The following SMYD3 variants were observed in gnomAD, a reference collection of about 807,000 sequenced individuals.
The protein encoded by SMYD3 is SET and MYND domain containing 3.
A neutral mutation model predicts 57.7 loss-of-function variants in SMYD3; 36 were observed. That is an observed-to-expected ratio of 0.62 (90% CI 0.48 to 0.82). The LOEUF (loss-of-function observed/expected upper bound fraction) is 0.82. Ranked by LOEUF, SMYD3 falls within the 40% of genes least tolerant of loss-of-function variation. The probability of loss-of-function intolerance (pLI) is 0.00; values close to 1 mark genes in which losing one functional copy is unlikely to be tolerated. For missense variants in SMYD3, 515 were observed against 538.8 expected, an observed-to-expected ratio of 0.96 and a Z score of 0.44; for synonymous variants, 211 against 195.0, an observed-to-expected ratio of 1.08 and a Z score of -0.68.
At chr1:246,180,995 G>T (rs1484738795) in intron 5 of SMYD3, among the ~76,000 whole-genome samples, 3 of 151,952 alleles carry the variant, frequency 2.0e-5, no homozygotes, top group African/African-American at 7.3e-5. Flanking sequence ...CATCATAGGG[G>T]TTCTATTTGT....
At chr1:246,135,515 C>G (rs1329342023) in intron 5 of SMYD3, among the ~76,000 whole-genome samples, 2 of 151,978 alleles carry the variant, frequency 1.3e-5, no homozygotes, top group African/African-American at 2.4e-5. Context: ...TAAGTCCATG[C>G]TGGCAAATAT....
At chr1:245,827,385 G>C (rs949815475) in intron 10 of SMYD3, among the ~76,000 whole-genome samples, 1 of 152,140 alleles carries the variant, frequency 6.6e-6, no homozygotes, top group Non-Finnish European at 1.5e-5. Flanking sequence ...TACAGAGCTG[G>C]GGTGATGCCT....
intron 1 of SMYD3, among the ~76,000 whole-genome samples, chr1:246,404,334 C>G (rs2102973748): frequency 6.6e-6 from 1 of 152,278 alleles, no homozygotes; most frequent in South Asian, 2.1e-4. Flanking sequence ...GAAACATATG[C>G]CGCAATAATT....
chr1:245,868,418 G>A (rs2051996582), intron 8 of SMYD3, among the ~76,000 whole-genome samples: 1 of 152,018 alleles, frequency 6.6e-6, no homozygotes, highest in Non-Finnish European at 1.5e-5. Flanking sequence ...GCTCTATCTA[G>A]TACTAGCAAT....
At chr1:246,201,802 C>T (rs1236487219) in intron 5 of SMYD3, among the ~76,000 whole-genome samples, 1 of 151,274 alleles carries the variant, frequency 6.6e-6, no homozygotes, top group Non-Finnish European at 1.5e-5. Context: ...CACTTGAAGT[C>T]AGGAGTTTGA....
intron 10 of SMYD3, among the ~76,000 whole-genome samples, chr1:245,818,170 G>A (rs2048959211): frequency 6.6e-6 from 1 of 152,122 alleles, no homozygotes; most frequent in Non-Finnish European, 1.5e-5. Flanking sequence ...ACCCTCAAAG[G>A]GAAGCCCATC....
chr1:246,432,981 G>A (rs934555902), intron 1 of SMYD3, among the ~76,000 whole-genome samples: 1 of 152,108 alleles, frequency 6.6e-6, no homozygotes, highest in Non-Finnish European at 1.5e-5. Context: ...AGAGCAATCA[G>A]GCAAGAGGAA....
intron 5 of SMYD3, among the ~76,000 whole-genome samples, chr1:246,022,885 C>A (rs1056789875): frequency 6.6e-6 from 1 of 152,184 alleles, no homozygotes; most frequent in African/African-American, 2.4e-5. Context: ...AAAATAGCAA[C>A]CTTAACTCTA....
intron 5 of SMYD3, among the ~76,000 whole-genome samples, chr1:246,152,266 A>G (rs1280219242): frequency 6.6e-6 from 1 of 152,200 alleles, no homozygotes; most frequent in East Asian, 1.9e-4. Context: ...CGATGTAGAG[A>G]AGTGGAGGGA....
At chr1:246,034,184 T>G (rs2059729444) in intron 5 of SMYD3, among the ~76,000 whole-genome samples, 1 of 152,236 alleles carries the variant, frequency 6.6e-6, no homozygotes, top group Non-Finnish European at 1.5e-5. Flanking sequence ...GATTTTTATT[T>G]GTGGATCAAA....
chr1:245,911,481 T>TAA, intron 8 of SMYD3, among the ~76,000 whole-genome samples: 1 of 136,876 alleles, frequency 7.3e-6, no homozygotes, highest in South Asian at 2.4e-4. Flanking sequence ...CATCAATAAG[T>TAA]AAAAAAAAAA....
intron 5 of SMYD3, among the ~76,000 whole-genome samples, chr1:246,216,040 A>G (rs952663519): frequency 1.3e-5 from 2 of 152,140 alleles, no homozygotes; most frequent in African/African-American, 4.8e-5. Flanking sequence ...TTGTAATCCC[A>G]GCACTTTGGG....
At chr1:246,166,588 C>T (rs1162056146) in intron 5 of SMYD3, among the ~76,000 whole-genome samples, 1 of 152,130 alleles carries the variant, frequency 6.6e-6, no homozygotes, top group African/African-American at 2.4e-5. Flanking sequence ...CCTGGAGTCT[C>T]GGCTGGAGTC....
chr1:245,895,041 A>C (rs980591667), intron 8 of SMYD3, among the ~76,000 whole-genome samples: 1 of 152,232 alleles, frequency 6.6e-6, no homozygotes, highest in African/African-American at 2.4e-5. Context: ...GGCAAACACA[A>C]TAGCTACATT....
At chr1:246,109,739 GGTTT>G (rs762749565) in intron 5 of SMYD3, 12 of 152,190 alleles carry the variant, frequency 7.9e-5, no homozygotes, top group South Asian at 2.1e-4. Flanking sequence ...CTGGTCTCCA[GGTTT>G]GTTTGTTTTA....
intron 9 of SMYD3, among the ~76,000 whole-genome samples, 157 bp from the exon 10 acceptor site, chr1:245,858,827 A>G (rs2051388651): frequency 1.3e-5 from 2 of 152,246 alleles, no homozygotes; most frequent in African/African-American, 4.8e-5. Context: ...CTTGAGAAGC[A>G]AAAGCACAGA....
chr1:246,225,733 C>A (rs553636460), intron 5 of SMYD3, among the ~76,000 whole-genome samples: 1 of 152,282 alleles, frequency 6.6e-6, no homozygotes, highest in South Asian at 2.1e-4. Flanking sequence ...ACATCTCAGA[C>A]CTAGTATCTC....
intron 5 of SMYD3, among the ~76,000 whole-genome samples, chr1:246,115,955 A>G (rs1229838341): frequency 1.3e-5 from 2 of 152,176 alleles, no homozygotes; most frequent in East Asian, 1.9e-4. Flanking sequence ...CCTGGCCAAC[A>G]TGGTGAAACC....
At chr1:246,411,838 G>A (rs1420922376) in intron 1 of SMYD3, among the ~76,000 whole-genome samples, 1 of 109,804 alleles carries the variant, frequency 9.1e-6, no homozygotes, top group Non-Finnish European at 2.1e-5. Context: ...GGTTGGGGGA[G>A]GGGGGAGGGA....
Sources: gnomAD v4.1 joint callset for allele counts (sites outside exome capture counted in the v4.1 genomes callset) on GRCh38, gnomAD v4.1.1 for gene constraint, MANE v1.5 for transcripts, NCBI Gene and HGNC (gene_info 2026-07-23, HGNC 2026-07-21) for gene names.